The following CAMTA1 variants were observed in gnomAD, a reference collection of about 807,000 sequenced individuals.
The protein encoded by CAMTA1 is calmodulin binding transcription activator 1.
Under a neutral mutation model 170.9 loss-of-function variants are expected in CAMTA1, and 27 were observed. The observed-to-expected ratio is 0.16, with a 90% CI of 0.12 to 0.22. The LOEUF is 0.22. CAMTA1 is among the 10% of genes least tolerant of loss of function. The pLI, the probability that CAMTA1 is intolerant of heterozygous loss-of-function variation, is 1.00. For missense variants in CAMTA1, 1,619 were observed against 2,217.2 expected (o/e 0.73, Z 5.42); for synonymous variants, 833 against 891.5 (o/e 0.93, Z 1.17).
chr1:6,896,880 A>G (rs577709428), intron 3 of CAMTA1, among the ~76,000 whole-genome samples: 2 of 152,326 alleles, frequency 1.3e-5, no homozygotes, highest in African/African-American at 4.8e-5. Flanking sequence ...TCCCCTGTGC[A>G]ACTTTTCATT....
chr1:6,891,671 A>C (rs1281403212), intron 3 of CAMTA1, among the ~76,000 whole-genome samples: 2 of 152,220 alleles, frequency 1.3e-5, no homozygotes. Flanking sequence ...ATCTTCAAAA[A>C]ACAAAACAAA....
At chr1:7,703,338 G>A (rs1012616696) in intron 11 of CAMTA1, among the ~76,000 whole-genome samples, 2 of 152,186 alleles carry the variant, frequency 1.3e-5, no homozygotes, top group Admixed American at 1.3e-4. Flanking sequence ...GGTGCAGTGG[G>A]AATACTGACC....
chr1:7,384,598 A>G (rs1454420074), intron 5 of CAMTA1, among the ~76,000 whole-genome samples: 1 of 152,254 alleles, frequency 6.6e-6, no homozygotes, highest in Non-Finnish European at 1.5e-5. Flanking sequence ...TCAAAGCAGC[A>G]AGGACACACA....
At chr1:6,909,857 G>A (rs1431594622) in intron 3 of CAMTA1, among the ~76,000 whole-genome samples, 1 of 152,246 alleles carries the variant, frequency 6.6e-6, no homozygotes, top group Admixed American at 6.5e-5. Flanking sequence ...AGCAAGGATA[G>A]TGGTGACTTT....
Position 7,592,863 on chromosome 1 carries a change from G to A in CAMTA1, c.511-47537G>A, listed in dbSNP as rs897857064. On this transcript the variant is annotated intron_variant, in intron 6 of 22. Coordinates refer to ENST00000303635, the MANE Select transcript of CAMTA1 (RefSeq NM_015215.4). The surrounding 1 kb of genome is among the most constrained non-coding windows in gnomAD (Gnocchi z 4.6). ...ATGGCCATGTGTTAAACATTAGGGC[G>A]GGATCAGGCATCATGACCTCATGAA... Among the ~76,000 whole-genome samples, 7 of 152,114 alleles carry A rather than the reference G, an allele frequency of 4.6e-5. No individual in the cohort carries two copies. The highest frequency in any genetic ancestry group is 1.2e-4 in the African/African-American group (5 of 41,416).
At chr1:7,624,166 C>T (rs548151959) in intron 6 of CAMTA1, among the ~76,000 whole-genome samples, 10 of 152,336 alleles carry the variant, frequency 6.6e-5, no homozygotes, top group South Asian at 2.1e-4. Context: ...AAACAGGGAG[C>T]GAGTGCTGTG....
chr1:7,619,042 G>A (rs2095578998), intron 6 of CAMTA1, among the ~76,000 whole-genome samples: 1 of 152,244 alleles, frequency 6.6e-6, no homozygotes, highest in Admixed American at 6.5e-5. Context: ...GGAGGCAGCT[G>A]AGGCTGTGTG....
At chr1:6,909,043 A>G (rs1679161641) in intron 3 of CAMTA1, among the ~76,000 whole-genome samples, 1 of 152,244 alleles carries the variant, frequency 6.6e-6, no homozygotes, top group Non-Finnish European at 1.5e-5. Flanking sequence ...TTATATCATA[A>G]TCCTTTTAAA....
At chr1:7,710,010 C>T (rs2096557269) in intron 11 of CAMTA1, among the ~76,000 whole-genome samples, 1 of 152,170 alleles carries the variant, frequency 6.6e-6, no homozygotes, top group Non-Finnish European at 1.5e-5. Context: ...TTCAATTCAG[C>T]TATTCTGCTG....
At chr1:7,329,898 C>T (rs1210193348) in intron 5 of CAMTA1, among the ~76,000 whole-genome samples, 1 of 152,114 alleles carries the variant, frequency 6.6e-6, no homozygotes, top group South Asian at 2.1e-4. Context: ...GGCAAAAATA[C>T]ACATGATACA....
intron 3 of CAMTA1, among the ~76,000 whole-genome samples, chr1:7,017,964 T>G (rs906674414): frequency 1.0e-5 from 1 of 96,184 alleles, no homozygotes; most frequent in Non-Finnish European, 2.2e-5. Flanking sequence ...CTTCCAAGGT[T>G]TTTTGTTTTT....
intron 5 of CAMTA1, among the ~76,000 whole-genome samples, chr1:7,310,453 A>G (rs1676286669): frequency 6.6e-6 from 1 of 152,196 alleles, no homozygotes; most frequent in Non-Finnish European, 1.5e-5. Flanking sequence ...CAGAATAGTT[A>G]TGGTTATGTT....
chr1:6,931,481 G>A (rs1161670187), intron 3 of CAMTA1, among the ~76,000 whole-genome samples: 1 of 152,144 alleles, frequency 6.6e-6, no homozygotes, highest in Non-Finnish European at 1.5e-5. Context: ...GAAGCGCCAG[G>A]CATTTTTTTA....
chr1:7,516,918 C>T (rs2094294768), intron 6 of CAMTA1, among the ~76,000 whole-genome samples: 1 of 151,986 alleles, frequency 6.6e-6, no homozygotes, highest in Non-Finnish European at 1.5e-5. Context: ...GAAAATAATC[C>T]ATGCCCATGT....
rs983349742 is a variant in CAMTA1, at chr1:7,487,300, C to G, written c.510+19399C>G. ...GAAGGCAGCACTTTGGGGTAAGAAA[C>G]CTTTACTCAGGGTCAAGCCCCACCC... On this transcript the variant is annotated intron_variant, in intron 6 of 22. Transcript: ENST00000303635. 5.9e-5 allele frequency among the ~76,000 whole-genome samples: 9 copies of G among 152,258 alleles called. No individual in the cohort carries two copies. The East Asian group carries it at 1.7e-3, about 29-fold the overall frequency.
At chr1:7,137,574 AC>A (rs1226149740) in intron 4 of CAMTA1, among the ~76,000 whole-genome samples, 1 of 152,140 alleles carries the variant, frequency 6.6e-6, no homozygotes, top group African/African-American at 2.4e-5. Context: ...CCTGTGCCAA[AC>A]AATGTCACAT....
chr1:7,284,165 CTTCTTCTTCTTCTTATTATTA>C (rs1201790380), intron 5 of CAMTA1, among the ~76,000 whole-genome samples: 68 of 117,954 alleles, frequency 5.8e-4, no homozygotes, highest in African/African-American at 1.5e-3. Context: ...TCTTCTTCTT[CTTCTTCTTCTTCTTATTATTA>C]TTATTATTAT....
chr1:7,721,973 T>G (rs573476377), intron 11 of CAMTA1, among the ~76,000 whole-genome samples: 17 of 152,326 alleles, frequency 1.1e-4, no homozygotes, highest in African/African-American at 4.1e-4. Context: ...AACCATCTCC[T>G]GGTGTATTGC....
intron 4 of CAMTA1, among the ~76,000 whole-genome samples, chr1:7,178,312 C>G (rs1172537120): frequency 6.6e-6 from 1 of 152,170 alleles, no homozygotes; most frequent in Non-Finnish European, 1.5e-5. Flanking sequence ...GGTTTGTCAA[C>G]AGTTATCCCC....
Sources: gnomAD v4.1 joint callset for allele counts (sites outside exome capture counted in the v4.1 genomes callset) on GRCh38, gnomAD v4.1.1 for gene constraint, Gnocchi (gnomAD v3.1) non-coding constraint, MANE v1.5 for transcripts, NCBI Gene and HGNC (gene_info 2026-07-23, HGNC 2026-07-21) for gene names.